The following GRM5 variants were observed in gnomAD, a reference collection of about 807,000 sequenced individuals.
GRM5 encodes the protein glutamate metabotropic receptor 5.
In GRM5, 19 loss-of-function variants were observed where a neutral mutation model predicts 83.1. The observed-to-expected ratio is 0.23, with a 90% CI of 0.16 to 0.34. The LOEUF is 0.34. Ranked by LOEUF, GRM5 falls within the 10% of genes least tolerant of loss-of-function variation. The pLI is 1.00. For missense variants in GRM5, 1,160 were observed against 1,588.3 expected (o/e 0.73, Z 4.58); for synonymous variants, 675 against 633.6 (o/e 1.07, Z -0.98).
intron 4 of GRM5, among the ~76,000 whole-genome samples, chr11:88,649,189 TTA>T (rs1396484886): frequency 7.2e-6 from 1 of 139,014 alleles, no homozygotes; most frequent in Non-Finnish European, 1.5e-5. Flanking sequence ...ATTATATATG[TTA>T]TATATAATAT....
intron 2 of GRM5, among the ~76,000 whole-genome samples, chr11:88,964,144 A>C: frequency 6.6e-6 from 1 of 152,280 alleles, no homozygotes; most frequent in Non-Finnish European, 1.5e-5. Flanking sequence ...ACTTAGGTTG[A>C]AAAATAATAG....
chr11:88,548,985 A>C (rs1942443199), intron 8 of GRM5, among the ~76,000 whole-genome samples: 1 of 152,226 alleles, frequency 6.6e-6, no homozygotes, highest in South Asian at 2.1e-4. Context: ...GGGGAAAAAC[A>C]TGCAAATCAA....
chr11:88,779,318 T>G (rs916103432), intron 3 of GRM5, among the ~76,000 whole-genome samples: 1 of 152,168 alleles, frequency 6.6e-6, no homozygotes, highest in Admixed American at 6.5e-5. Flanking sequence ...CAATTCTTCA[T>G]CTGGCAGAAC....
chr11:88,536,580 C>T (rs1258932599), intron 8 of GRM5, among the ~76,000 whole-genome samples: 2 of 152,168 alleles, frequency 1.3e-5, no homozygotes, highest in Non-Finnish European at 2.9e-5. Context: ...TTTATAACAG[C>T]TTTGAGCACA....
chr11:88,855,490 T>A (rs551138251), intron 2 of GRM5, among the ~76,000 whole-genome samples: 1 of 152,044 alleles, frequency 6.6e-6, no homozygotes, highest in African/African-American at 2.4e-5. Flanking sequence ...ACGGTATTTG[T>A]ATAATCTCTG....
At chr11:89,053,715 A>G (rs1407870453) in intron 1 of GRM5, among the ~76,000 whole-genome samples, 10 of 152,114 alleles carry the variant, frequency 6.6e-5, no homozygotes, top group Admixed American at 2.6e-4. Flanking sequence ...GTGAAGCAGT[A>G]TAGAAAGTGC....
chr11:88,799,121 A>T (rs1386600386), intron 3 of GRM5, among the ~76,000 whole-genome samples: 1 of 152,140 alleles, frequency 6.6e-6, no homozygotes, highest in Non-Finnish European at 1.5e-5. Flanking sequence ...CCTTCAACTT[A>T]AAAAGTATTT....
intron 3 of GRM5, among the ~76,000 whole-genome samples, chr11:88,673,868 G>T (rs1940253133): frequency 7.1e-6 from 1 of 140,298 alleles, no homozygotes; most frequent in East Asian, 2.1e-4. Flanking sequence ...TGTAATTTCA[G>T]ATCAGGGGAT....
chr11:89,032,600 T>C (rs1941285989), intron 2 of GRM5, among the ~76,000 whole-genome samples: 1 of 152,054 alleles, frequency 6.6e-6, no homozygotes, highest in South Asian at 2.1e-4. Flanking sequence ...TGAACCCTTA[T>C]TGTGTGCCAA....
chr11:88,628,179 C>T (rs1337014184), intron 4 of GRM5, among the ~76,000 whole-genome samples: 2 of 152,204 alleles, frequency 1.3e-5, no homozygotes, highest in African/African-American at 4.8e-5. Flanking sequence ...GCATTCTCTA[C>T]TTCTCTAATG....
intron 2 of GRM5, among the ~76,000 whole-genome samples, chr11:88,956,290 C>T (rs1340710093): frequency 6.6e-6 from 1 of 152,208 alleles, no homozygotes; most frequent in Non-Finnish European, 1.5e-5. Context: ...CAGAGAATAA[C>T]ATTAAAATCT....
chr11:88,736,053 T>G (rs889770950), intron 3 of GRM5, among the ~76,000 whole-genome samples: 1 of 152,080 alleles, frequency 6.6e-6, no homozygotes, highest in Non-Finnish European at 1.5e-5. Context: ...TAGACAATCA[T>G]TTAGATAATC....
chr11:88,753,908 G>A (rs555243010), intron 3 of GRM5, among the ~76,000 whole-genome samples: 12 of 152,160 alleles, frequency 7.9e-5, no homozygotes, highest in African/African-American at 9.6e-5. Context: ...GGAAACTCCC[G>A]TTTTTAAAAA....
intron 2 of GRM5, among the ~76,000 whole-genome samples, chr11:89,012,450 T>C (rs866580427): frequency 3.3e-5 from 5 of 152,164 alleles, no homozygotes; most frequent in Admixed American, 2.6e-4. Flanking sequence ...TAACCTAGCA[T>C]GGTGAGAGAG....
In GRM5 at chr11:88,517,312, A is replaced by G. The variant is rs190636536; in HGVS notation, c.2727-7808T>C. On this transcript the variant is annotated intron_variant, in intron 9 of 9. Coordinates refer to ENST00000305447, the MANE Select transcript of GRM5 (RefSeq NM_001143831.3). ...CATAAAAGTAGAAAATACTTAAGGTATAAACATCTTGGTAAAGCCAAGATT... is the reference window on the plus strand; with the variant it reads ...CATAAAAGTAGAAAATACTTAAGGTGTAAACATCTTGGTAAAGCCAAGATT... Among the ~76,000 whole-genome samples the G allele has an allele frequency of 7.5e-3, 1,136 of 152,272 alleles. 16 individuals carry two copies. Among genetic ancestry groups the G allele is most frequent in the Middle Eastern group, 0.014 (4 of 294 alleles).
At chr11:88,596,033 G>A (rs1053609555) in intron 6 of GRM5, among the ~76,000 whole-genome samples, 3 of 151,522 alleles carry the variant, frequency 2.0e-5, no homozygotes, top group Non-Finnish European at 4.4e-5. Context: ...TTTAATCACT[G>A]GATGGCTATT....
intron 3 of GRM5, among the ~76,000 whole-genome samples, chr11:88,733,021 C>T (rs1276600387): frequency 1.3e-5 from 2 of 151,958 alleles, no homozygotes; most frequent in East Asian, 3.9e-4. Flanking sequence ...ATTGATCTTG[C>T]TAAATGAATT....
At chr11:88,686,055 A>G (rs1296188677) in intron 3 of GRM5, among the ~76,000 whole-genome samples, 1 of 152,114 alleles carries the variant, frequency 6.6e-6, no homozygotes, top group African/African-American at 2.4e-5. Context: ...GACAGCTTGC[A>G]TCGTCTCCCT....
chr11:88,981,817 T>G (rs1204639715), intron 2 of GRM5, among the ~76,000 whole-genome samples: 1 of 152,174 alleles, frequency 6.6e-6, no homozygotes, highest in Non-Finnish European at 1.5e-5. Flanking sequence ...GAATAAGTCC[T>G]TATATCACAG....
Sources: allele counts gnomAD v4.1 joint callset (sites outside exome capture counted in the v4.1 genomes callset), GRCh38; gene constraint gnomAD v4.1.1; transcripts MANE v1.5; gene names NCBI Gene and HGNC (gene_info 2026-07-23, HGNC 2026-07-21).